The following SEMA3C variants were observed in gnomAD, a reference collection of about 807,000 sequenced individuals.
SEMA3C encodes semaphorin-3C.
Under a neutral mutation model 89.4 loss-of-function variants are expected in SEMA3C, and 47 were observed. The ratio of observed to expected loss-of-function variants is 0.53; its 90% CI spans 0.42 to 0.67. SEMA3C has a LOEUF of 0.67. Among genes scored for constraint, SEMA3C ranks in the 30% least tolerant of loss-of-function variants. The pLI is 0.00. For missense variants in SEMA3C, 839 were observed against 929.1 expected (o/e 0.90, Z 1.26); for synonymous variants, 310 against 320.2 (o/e 0.97, Z 0.34).
At chr7:80,896,993 T>C (rs192731641) in intron 2 of SEMA3C, among the ~76,000 whole-genome samples, 1 of 152,122 alleles carries the variant, frequency 6.6e-6, no homozygotes, top group Admixed American at 6.6e-5. Context: ...GTAGCAAGAC[T>C]TGTGTGGCAG....
At chr7:80,845,912 T>C (rs908969765) in intron 2 of SEMA3C, among the ~76,000 whole-genome samples, 5 of 152,192 alleles carry the variant, frequency 3.3e-5, no homozygotes, top group African/African-American at 1.2e-4. Context: ...CTGTCCCATT[T>C]GAAATCAATT....
chr7:80,909,985 T>C (rs936778459), intron 2 of SEMA3C, among the ~76,000 whole-genome samples: 2 of 152,282 alleles, frequency 1.3e-5, no homozygotes, highest in South Asian at 2.1e-4. Context: ...GTGTTGTACA[T>C]ACTTGGAGAA....
intron 2 of SEMA3C, among the ~76,000 whole-genome samples, chr7:80,890,121 T>TACAC (rs1232268115): frequency 6.6e-5 from 10 of 152,216 alleles, no homozygotes; most frequent in African/African-American, 2.4e-4. Flanking sequence ...TCTGGGCACT[T>TACAC]GTGTAAGTTA....
At chr7:80,751,702 A>G (rs1010237141) in intron 15 of SEMA3C, among the ~76,000 whole-genome samples, 1 of 152,218 alleles carries the variant, frequency 6.6e-6, no homozygotes, top group South Asian at 2.1e-4. Context: ...CATCCAAAGT[A>G]TAAACTCCGT....
At chr7:80,878,246 G>T (rs982414829) in intron 2 of SEMA3C, among the ~76,000 whole-genome samples, 5 of 152,082 alleles carry the variant, frequency 3.3e-5, no homozygotes, top group Non-Finnish European at 5.9e-5. Context: ...GCTTGGTGGC[G>T]CATGCCTATA....
intron 2 of SEMA3C, among the ~76,000 whole-genome samples, chr7:80,885,456 GAA>G (rs1327229284): frequency 6.6e-6 from 1 of 151,728 alleles, no homozygotes; most frequent in Non-Finnish European, 1.5e-5. Flanking sequence ...TCTCTACAAA[GAA>G]ATGAAAAAAT....
At chr7:80,881,270 T>C (rs1791334499) in intron 2 of SEMA3C, among the ~76,000 whole-genome samples, 1 of 151,710 alleles carries the variant, frequency 6.6e-6, no homozygotes, top group African/African-American at 2.4e-5. Context: ...ACCAATAAGA[T>C]TATTCTTCCA....
At chr7:80,898,012 G>A (rs745508732) in intron 2 of SEMA3C, among the ~76,000 whole-genome samples, 7 of 152,010 alleles carry the variant, frequency 4.6e-5, no homozygotes, top group Non-Finnish European at 1.0e-4. Flanking sequence ...ATAATTTAGG[G>A]GCTGTTTATA....
At chr7:80,919,380 GC>G (rs1178025506), upstream of SEMA3C, 105 of 985,326 alleles carry the variant, frequency 1.1e-4, no homozygotes, top group African/African-American at 1.8e-3. Flanking sequence ...TGCTGGGTGC[GC>G]TCCACGGTTT....
chr7:80,769,318 C>T (rs569505331), intron 12 of SEMA3C, among the ~76,000 whole-genome samples: 3 of 152,052 alleles, frequency 2.0e-5, no homozygotes, highest in South Asian at 2.1e-4. Context: ...TAACACAGCT[C>T]CAAATAAAAC....
intron 11 of SEMA3C, among the ~76,000 whole-genome samples, chr7:80,793,651 G>A (rs1226837128): frequency 1.3e-5 from 2 of 152,084 alleles, no homozygotes; most frequent in Non-Finnish European, 2.9e-5. Flanking sequence ...TATAACAGTG[G>A]AGAACTTACA....
chr7:80,808,333 A>G (rs1377813769), intron 6 of SEMA3C, among the ~76,000 whole-genome samples: 1 of 152,160 alleles, frequency 6.6e-6, no homozygotes, highest in Non-Finnish European at 1.5e-5. Context: ...ACTATCAAAC[A>G]CACCACATGG....
intron 2 of SEMA3C, among the ~76,000 whole-genome samples, chr7:80,916,380 A>T (rs2116258824): frequency 6.6e-6 from 1 of 152,294 alleles, no homozygotes; most frequent in South Asian, 2.1e-4. Flanking sequence ...AAGATCAAAG[A>T]TGCTAGGCTT....
At chr7:80,795,426 A>T (rs1789038776) in intron 11 of SEMA3C, among the ~76,000 whole-genome samples, 1 of 152,172 alleles carries the variant, frequency 6.6e-6, no homozygotes, top group Non-Finnish European at 1.5e-5. Flanking sequence ...ACCAGATGTA[A>T]GAAACCACAT....
intron 2 of SEMA3C, among the ~76,000 whole-genome samples, chr7:80,908,295 T>C (rs1317349852): frequency 6.6e-6 from 1 of 152,190 alleles, no homozygotes; most frequent in African/African-American, 2.4e-5. Flanking sequence ...ACCCGTTGTG[T>C]TCACTATCAA....
At chr7:80,869,283 C>G (rs1052438560) in intron 2 of SEMA3C, among the ~76,000 whole-genome samples, 3 of 152,056 alleles carry the variant, frequency 2.0e-5, no homozygotes, top group Non-Finnish European at 2.9e-5. Context: ...TTAATGAAAA[C>G]GTGTTTGTTA....
intron 15 of SEMA3C, among the ~76,000 whole-genome samples, chr7:80,757,617 A>C (rs1788093324): frequency 6.6e-6 from 1 of 152,254 alleles, no homozygotes; most frequent in Non-Finnish European, 1.5e-5. Context: ...TTACAAGATA[A>C]TTAAGCAATG....
intron 6 of SEMA3C, among the ~76,000 whole-genome samples, chr7:80,810,237 TA>T (rs1789436090): frequency 1.3e-5 from 2 of 151,236 alleles, no homozygotes; most frequent in African/African-American, 4.9e-5. Context: ...TAAAAACAAA[TA>T]AAAAATAATG....
intron 11 of SEMA3C, among the ~76,000 whole-genome samples, chr7:80,791,223 T>G (rs1401196239): frequency 6.6e-6 from 1 of 152,138 alleles, no homozygotes; most frequent in Middle Eastern, 3.4e-3. Flanking sequence ...AAGGCCAAAC[T>G]TAAGGGTAGG....
Sources: gnomAD v4.1 joint callset for allele counts (sites outside exome capture counted in the v4.1 genomes callset) on GRCh38, gnomAD v4.1.1 for gene constraint, MANE v1.5 for transcripts, NCBI Gene and HGNC (gene_info 2026-07-23, HGNC 2026-07-21) for gene names.